Variants in SMAP1 observed in about 807,000 individuals in gnomAD.
SMAP1 encodes the protein stromal membrane-associated protein 1.
SMAP1 carries 24 observed loss-of-function variants against 58.5 expected under a neutral mutation model. That is an observed-to-expected ratio of 0.41 (90% CI 0.30 to 0.58). SMAP1 has a LOEUF of 0.58. Among genes scored for constraint, SMAP1 ranks in the 20% least tolerant of loss-of-function variants. The pLI, the probability that SMAP1 is intolerant of heterozygous loss-of-function variation, is 0.29. For synonymous variants in SMAP1, 216 were observed against 196.6 expected (o/e 1.10, Z -0.82); for missense variants, 563 against 566.3 (o/e 0.99, Z 0.06).
chr6:70,821,430 T>C (rs553439596), intron 6 of SMAP1, among the ~76,000 whole-genome samples: 2 of 152,258 alleles, frequency 1.3e-5, no homozygotes, highest in South Asian at 2.1e-4. Flanking sequence ...CTTATAAATA[T>C]ATGGCATTGT....
At chr6:70,762,472 C>A (rs1159367590) in intron 3 of SMAP1, among the ~76,000 whole-genome samples, 1 of 152,050 alleles carries the variant, frequency 6.6e-6, no homozygotes, top group Non-Finnish European at 1.5e-5. Flanking sequence ...ACAGAATTGG[C>A]TTGCATTTGG....
chr6:70,837,266 A>G (rs1770628000), intron 7 of SMAP1, among the ~76,000 whole-genome samples: 1 of 152,220 alleles, frequency 6.6e-6, no homozygotes, highest in Non-Finnish European at 1.5e-5. Context: ...GGAAAAGAAG[A>G]TATCAAAGTA....
In SMAP1 at chr6:70,781,838, GT is replaced by G. The variant is rs201580982; in HGVS notation, c.414+8418del. Among the ~76,000 whole-genome samples the G allele has an allele frequency of 6.3e-3, 957 of 152,300 alleles. 6 individuals are homozygous for G. The highest frequency in any genetic ancestry group is 0.022 in the African/African-American group (915 of 41,582). Reference sequence around the variant, plus strand: ...GTTGGGAACTTGTTTTACGTGGTCAGTTTTTCTTTTGCATGAGGTAAGTTTA... The same window carrying G: ...GTTGGGAACTTGTTTTACGTGGTCAGTTTTCTTTTGCATGAGGTAAGTTTA... On this transcript the variant is annotated intron_variant, in intron 4 of 10. Transcript: ENST00000370455.
At chr6:70,718,194 TGAATCTGA>T (rs1768354830) in intron 1 of SMAP1, among the ~76,000 whole-genome samples, 1 of 152,168 alleles carries the variant, frequency 6.6e-6, no homozygotes, top group African/African-American at 2.4e-5. Context: ...AATGGGTTAA[TGAATCTGA>T]GAAGCAGTGT....
chr6:70,733,086 T>G (rs999048733), intron 2 of SMAP1, among the ~76,000 whole-genome samples: 1 of 152,248 alleles, frequency 6.6e-6, no homozygotes, highest in South Asian at 2.1e-4. Flanking sequence ...TTTTTATCTT[T>G]AAGGTTGGCC....
chr6:70,783,879 C>T (rs936800049), intron 4 of SMAP1, among the ~76,000 whole-genome samples: 2 of 152,326 alleles, frequency 1.3e-5, no homozygotes, highest in South Asian at 2.1e-4. Flanking sequence ...AAACACTCTG[C>T]AGGATATTAT....
intron 6 of SMAP1, among the ~76,000 whole-genome samples, chr6:70,814,820 G>A (rs1015693361): frequency 6.6e-6 from 1 of 152,110 alleles, no homozygotes; most frequent in African/African-American, 2.4e-5. Context: ...TGTTACCACC[G>A]TTTTACATTT....
Position 70,668,030 on chromosome 6 carries a change from A to T in SMAP1, c.7A>T (p.Thr3Ser). Residue 3 changes from threonine (T) to serine (S), a missense_variant, in exon 1 of 11, where the codon ACG becomes TCG. Thr to Ser is a moderately conservative substitution (Grantham distance 58). Around this residue, in one of 3 missense-constraint regions of SMAP1, gnomAD observed 52 missense variants for 46.6 expected, o/e 1.11. Transcript: ENST00000370455. ...TCCCCGCCCCGCTGCCGAGATGGCG[A>T]CGCGCTCCTGTCGGGAGAAGGCTCA... Reference protein sequence around the residue: MATRSCREKAQKL... With the variant: MASRSCREKAQKL... 1 of 1,596,622 alleles carries T rather than the reference A, an allele frequency of 6.3e-7. No homozygotes were observed. The highest frequency in any genetic ancestry group is 8.5e-7 in the Non-Finnish European group (1 of 1,172,864).
chr6:70,779,741 G>A lies in SMAP1; in HGVS notation c.414+6316G>A, dbSNP rs147974414. On this transcript the variant is annotated intron_variant, in intron 4 of 10. Transcript: ENST00000370455. ...TGCTCTATTCAATGTGTTGAATAGA[G>A]CATGTTGAATAGAACTGCCCTTGTG... Among the ~76,000 whole-genome samples the A allele has an allele frequency of 5.9e-5, 9 of 152,270 alleles. No homozygotes were observed. The East Asian group carries it at 1.7e-3, about 29-fold the overall frequency.
chr6:70,784,463 A>G (rs1471369793), intron 4 of SMAP1, among the ~76,000 whole-genome samples: 5 of 152,246 alleles, frequency 3.3e-5, no homozygotes, highest in Non-Finnish European at 7.3e-5. Flanking sequence ...TATTAACTTT[A>G]AATGTAAATG....
Position 70,767,647 on chromosome 6 carries a change from G to T in SMAP1, c.339-5703G>T, listed in dbSNP as rs1225571036. On this transcript the variant is annotated intron_variant, in intron 3 of 10. Transcript: ENST00000370455. ...TTGCTTATCAGCTTAAGGAGATTTTGGGCTGAGACGATGGGGTTTTCTAGA... is the reference window on the plus strand; with the variant it reads ...TTGCTTATCAGCTTAAGGAGATTTTTGGCTGAGACGATGGGGTTTTCTAGA... 6.0e-5 allele frequency among the ~76,000 whole-genome samples: 9 copies of T among 150,212 alleles called. No individual in the cohort carries two copies. The South Asian group carries it at 6.4e-4, about 11-fold the overall frequency.
intron 4 of SMAP1, among the ~76,000 whole-genome samples, chr6:70,787,275 T>G (rs2149935529): frequency 6.6e-6 from 1 of 152,310 alleles, no homozygotes; most frequent in South Asian, 2.1e-4. Flanking sequence ...GATCCCTTCC[T>G]TACACCTTAT....
At chr6:70,745,846 T>G (rs1034947763) in intron 2 of SMAP1, among the ~76,000 whole-genome samples, 1 of 152,194 alleles carries the variant, frequency 6.6e-6, no homozygotes, top group Non-Finnish European at 1.5e-5. Context: ...CTCTTTTATT[T>G]CGTTGAGCAG....
At chr6:70,767,367 TC>T (rs1767042462) in intron 3 of SMAP1, among the ~76,000 whole-genome samples, 1 of 152,226 alleles carries the variant, frequency 6.6e-6, no homozygotes, top group African/African-American at 2.4e-5. Flanking sequence ...TATTGACTCT[TC>T]CTACCCATGA....
intron 6 of SMAP1, among the ~76,000 whole-genome samples, chr6:70,818,417 G>A (rs1286619987): frequency 6.6e-6 from 1 of 151,734 alleles, no homozygotes; most frequent in East Asian, 1.9e-4. Context: ...AAAAAAAAAA[G>A]CCTATTTCTG....
intron 2 of SMAP1, among the ~76,000 whole-genome samples, chr6:70,743,978 A>G (rs773918704): frequency 6.6e-6 from 1 of 152,082 alleles, no homozygotes; most frequent in Non-Finnish European, 1.5e-5. Context: ...TATGCCCTAT[A>G]TTTTCTTTTT....
intron 1 of SMAP1, among the ~76,000 whole-genome samples, chr6:70,682,796 G>A (rs1766774308): frequency 6.6e-6 from 1 of 152,154 alleles, no homozygotes; most frequent in African/African-American, 2.4e-5. Context: ...CTAGCACTTT[G>A]GGAGGCCGAG....
Position 70,856,966 on chromosome 6 carries a change from A to G in SMAP1, c.897A>G (p.Gln299=), listed in dbSNP as rs1444123720. 1.9e-6 allele frequency: 3 copies of G among 1,613,902 alleles called. No individual in the cohort carries two copies. Among genetic ancestry groups the G allele is most frequent in the African/African-American group, 2.7e-5 (2 of 74,944 alleles). ...AATCAGAAGAAGTGGCAAAGAAACAACTTTCCAAAGACTCCATCTTATCTC... is the reference window on the plus strand; with the variant it reads ...AATCAGAAGAAGTGGCAAAGAAACAGCTTTCCAAAGACTCCATCTTATCTC... ...TTKSEEVAKK[Q]LSKDSILSLY... Residue 299 remains glutamine (Q), a synonymous_variant, in exon 9 of 11, where the codon CAA becomes CAG. Coordinates refer to ENST00000370455, the MANE Select transcript of SMAP1 (RefSeq NM_001044305.3).
chr6:70,733,821 C>A (rs567398793), intron 2 of SMAP1, among the ~76,000 whole-genome samples: 4 of 152,166 alleles, frequency 2.6e-5, no homozygotes, highest in South Asian at 4.1e-4. Context: ...GGATAAAACA[C>A]GAGATCCTTC....
Sources: allele counts gnomAD v4.1 joint callset (sites outside exome capture counted in the v4.1 genomes callset), GRCh38; gene constraint gnomAD v4.1.1; regional missense constraint gnomAD v4.1.1; transcripts MANE v1.5; gene names NCBI Gene and HGNC (gene_info 2026-07-23, HGNC 2026-07-21).